Variants in HECTD4 observed in about 807,000 individuals in gnomAD.
HECTD4 encodes HECT domain E3 ubiquitin protein ligase 4.
HECTD4 carries 114 observed loss-of-function variants against 471.5 expected under a neutral mutation model. That is an observed-to-expected ratio of 0.24 (90% CI 0.21 to 0.28). The LOEUF is 0.28. HECTD4 is among the 10% of genes least tolerant of loss of function. HECTD4 has a pLI of 1.00. For missense variants in HECTD4, 3,866 were observed against 5,651.5 expected, an observed-to-expected ratio of 0.68 and a Z score of 10.13; for synonymous variants, 2,012 against 2,256.0, an observed-to-expected ratio of 0.89 and a Z score of 3.07.
chr12:112,354,838 A>G (rs2036305847), intron 1 of HECTD4, among the ~76,000 whole-genome samples: 1 of 152,282 alleles, frequency 6.6e-6, no homozygotes. Context: ...TTCAATTTCA[A>G]ATCATCATAA....
At chr12:112,347,787 G>GT (rs547142793) in intron 1 of HECTD4, among the ~76,000 whole-genome samples, 5 of 152,214 alleles carry the variant, frequency 3.3e-5, no homozygotes, top group Non-Finnish European at 7.3e-5. Context: ...ATGGCAGGTG[G>GT]TAAGAACTGC....
intron 26 of HECTD4, 69 bp from the exon 27 acceptor site, chr12:112,248,240 A>C: frequency 6.6e-7 from 1 of 1,521,874 alleles, no homozygotes. Flanking sequence ...CACAATAGTA[A>C]TTTTAAAAAT....
intron 1 of HECTD4, among the ~76,000 whole-genome samples, chr12:112,329,192 T>A (rs1339314555): frequency 6.6e-6 from 1 of 152,146 alleles, no homozygotes; most frequent in Non-Finnish European, 1.5e-5. Flanking sequence ...CCCTGCTCCA[T>A]CAAGACCTAC....
At chr12:112,298,145 T>C (rs988101910) in intron 7 of HECTD4, among the ~76,000 whole-genome samples, 3 of 152,098 alleles carry the variant, frequency 2.0e-5, no homozygotes. Flanking sequence ...TGAAAATAAA[T>C]GCCGTCAAGA....
chr12:112,231,725 G>C lies in HECTD4; in HGVS notation c.5998-10C>G. ...CTTCGCAACAGCCACCCTGGGGTGAGGTTGAAGACGCTGAGAAGATTCATT... is the reference window on the plus strand; with the variant it reads ...CTTCGCAACAGCCACCCTGGGGTGACGTTGAAGACGCTGAGAAGATTCATT... On this transcript the variant is annotated splice_polypyrimidine_tract_variant and intron_variant, in intron 38 of 75. Coordinates refer to ENST00000682272, the MANE Select transcript of HECTD4 (RefSeq NM_001388303.1). 4 of 1,605,088 alleles carry C rather than the reference G, an allele frequency of 2.5e-6. No individual in the cohort carries two copies. Among genetic ancestry groups the C allele is most frequent in the Non-Finnish European group, 3.4e-6 (4 of 1,176,596 alleles).
chr12:112,294,784 T>A (rs1385833219), intron 7 of HECTD4, among the ~76,000 whole-genome samples: 2 of 152,178 alleles, frequency 1.3e-5, no homozygotes, highest in Non-Finnish European at 2.9e-5. Context: ...ATTAAACAAG[T>A]TCTCCTTTTT....
At chr12:112,233,166 C>A in intron 37 of HECTD4, 81 bp from the exon 38 acceptor site, 5 of 868,308 alleles carry the variant, frequency 5.8e-6, no homozygotes, top group South Asian at 4.3e-5. Flanking sequence ...GTCACCCAGT[C>A]ATGGTGAGGC....
In HECTD4 at chr12:112,212,439, C is replaced by A. The variant is rs1423772853; in HGVS notation, c.7629+48G>T. On this transcript the variant is annotated intron_variant, in intron 49 of 75. Coordinates refer to ENST00000682272, the MANE Select transcript of HECTD4 (RefSeq NM_001388303.1). ...TTCATTTTTCCATGTCTAACAGGAA[C>A]AGGTGATGAAGGAGAATTTGTTTTC... 3 of 1,461,278 alleles carry A rather than the reference C, an allele frequency of 2.1e-6. No individual in the cohort carries two copies. The Admixed American group carries it at 5.1e-5, about 25-fold the overall frequency. The allele number at this position is 1,461,278 out of a possible 1,614,324, so 90.5% of individuals were successfully genotyped here.
chr12:112,277,196 T>C (rs946992052), intron 9 of HECTD4, among the ~76,000 whole-genome samples: 2 of 152,226 alleles, frequency 1.3e-5, no homozygotes, highest in Non-Finnish European at 2.9e-5. Flanking sequence ...CATCAACTTA[T>C]GAATGGATAA....
intron 41 of HECTD4, 48 bp downstream of exon 41, chr12:112,229,650 T>C: frequency 6.5e-7 from 1 of 1,528,706 alleles, no homozygotes. Flanking sequence ...TAATGGATGC[T>C]TATATATATG....
In HECTD4 at chr12:112,160,439, T is replaced by A. The variant is rs565978931; in HGVS notation, c.*1948A>T. ...TTTGTTAAATGCAACCATAAATAAT[T>A]ATAATAAATATACATCAAGTAACTT... On this transcript the variant is annotated 3_prime_UTR_variant, in exon 76 of 76. Coordinates refer to ENST00000682272, the MANE Select transcript of HECTD4 (RefSeq NM_001388303.1). The A allele has an allele frequency of 1.4e-4, 22 of 152,344 alleles. No homozygotes were observed. The highest frequency in any genetic ancestry group is 6.8e-3 in the Middle Eastern group (2 of 294). The allele number at this position is 152,344 out of a possible 1,614,324, so 9.4% of individuals were successfully genotyped here.
At chr12:112,316,654 A>T (rs141167000) in intron 2 of HECTD4, among the ~76,000 whole-genome samples, 1 of 152,320 alleles carries the variant, frequency 6.6e-6, no homozygotes, top group African/African-American at 2.4e-5. Context: ...TGTACATCAG[A>T]AATGTTCAAT....
chr12:112,305,295 G>C (rs1381073679), intron 7 of HECTD4, among the ~76,000 whole-genome samples: 1 of 150,874 alleles, frequency 6.6e-6, no homozygotes, highest in Non-Finnish European at 1.5e-5. Flanking sequence ...GTGGCTCCCA[G>C]CTGCTTCTTG....
chr12:112,228,015 G>T lies in HECTD4; in HGVS notation c.6854+74C>A. The stretch of plus-strand genomic sequence containing the variant: ...GGATTCACTAAGTTGGGAGTGGAGG[G>T]GCCCACCAAGGATCCCTTCTTCTGT... On this transcript the variant is annotated intron_variant, in intron 43 of 75. Transcript: ENST00000682272. The surrounding 1 kb of genome is among the most constrained non-coding windows in gnomAD (Gnocchi z 4.9). 1 of 1,375,370 alleles carries T rather than the reference G, an allele frequency of 7.3e-7. No homozygotes were observed. The highest frequency in any genetic ancestry group is 9.8e-7 in the Non-Finnish European group (1 of 1,024,176). 85.2% of individuals were successfully genotyped at this position (1,375,370 alleles called of 1,614,324 possible).
intron 2 of HECTD4, among the ~76,000 whole-genome samples, chr12:112,318,546 G>T (rs2035529409): frequency 6.6e-6 from 1 of 152,012 alleles, no homozygotes; most frequent in Non-Finnish European, 1.5e-5. Flanking sequence ...GCTAATTTTT[G>T]TATTTTTAGT....
intron 7 of HECTD4, chr12:112,301,811 T>TA: frequency 1.8e-6 from 1 of 562,592 alleles, no homozygotes; most frequent in Non-Finnish European, 3.1e-6. Flanking sequence ...TTTTTTTTTT[T>TA]AAGGAAAATT....
Position 112,163,582 on chromosome 12 carries a change from C to G in HECTD4, c.12857G>C (p.Arg4286Pro). ...TMLSPLEMEL[R>P]TCGLPYINLE... ...GTTGATGTAGGGGAGGCCGCAGGTG[C>G]GCAGCTCCATCTCCAGTGGGCTGAG... The change falls in exon 74 of 76, where the codon CGC becomes CCC. Residue 4286 changes from arginine (R) to proline (P), a missense_variant. By Grantham distance (103) the Arg-to-Pro change is moderately radical. Coordinates refer to ENST00000682272, the MANE Select transcript of HECTD4 (RefSeq NM_001388303.1). The surrounding 1 kb of genome is among the most constrained non-coding windows in gnomAD (Gnocchi z 8.2). 6.6e-7 allele frequency: 1 copy of G among 1,511,090 alleles called. No individual in the cohort carries two copies. Among genetic ancestry groups the G allele is most frequent in the Admixed American group, 2.3e-5 (1 of 44,076 alleles). 93.6% of individuals were successfully genotyped at this position (1,511,090 alleles called of 1,614,324 possible).
intron 1 of HECTD4, among the ~76,000 whole-genome samples, chr12:112,377,660 T>C (rs1190363949): frequency 6.6e-6 from 1 of 151,990 alleles, no homozygotes; most frequent in Non-Finnish European, 1.5e-5. Context: ...TATTTGAGGT[T>C]AGGAGTTCGA....
intron 70 of HECTD4, 58 bp from the exon 71 acceptor site, chr12:112,167,975 T>G (rs1593887438): frequency 7.7e-7 from 1 of 1,302,726 alleles, no homozygotes; most frequent in Non-Finnish European, 1.1e-6. Flanking sequence ...GGCGACACCG[T>G]TCCCTCCCTC....
Sources: gnomAD v4.1 joint callset for allele counts (sites outside exome capture counted in the v4.1 genomes callset) on GRCh38, gnomAD v4.1.1 for gene constraint, Gnocchi (gnomAD v3.1) non-coding constraint, MANE v1.5 for transcripts, NCBI Gene and HGNC (gene_info 2026-07-23, HGNC 2026-07-21) for gene names.